The following PRUNE1 variants were observed in gnomAD, a reference collection of about 807,000 sequenced individuals.
PRUNE1 encodes the protein exopolyphosphatase PRUNE1.
A neutral mutation model predicts 42.5 loss-of-function variants in PRUNE1; 25 were observed. The observed-to-expected ratio is 0.59, with a 90% CI of 0.43 to 0.82. The LOEUF (loss-of-function observed/expected upper bound fraction) is 0.82, where lower values mean the gene tolerates loss of function less well. Ranked by LOEUF, PRUNE1 falls within the 40% of genes least tolerant of loss-of-function variation. The pLI is 0.00. For synonymous variants in PRUNE1, 203 were observed against 217.1 expected (o/e 0.93, Z 0.57); for missense variants, 443 against 539.3 (o/e 0.82, Z 1.77).
chr1:151,024,587 T>G (rs1453810130), intron 3 of PRUNE1, 24 bp from the exon 4 acceptor site: 1 of 1,575,998 alleles, frequency 6.3e-7, no homozygotes, highest in South Asian at 1.1e-5. Context: ...TTCTTCCTCT[T>G]TTCCCATACC....
chr1:151,026,788 C>T (rs1674866237), intron 5 of PRUNE1, among the ~76,000 whole-genome samples: 1 of 151,696 alleles, frequency 6.6e-6, no homozygotes, highest in Admixed American at 6.6e-5. Context: ...TCTAAAGGTA[C>T]CTATTGTCAC....
rs145536114 is a variant in PRUNE1, at chr1:151,023,446, G to T, written c.336-1165G>T. Among the ~76,000 whole-genome samples the T allele has an allele frequency of 1.1e-3, 175 of 152,260 alleles. 1 individual carries two copies. The highest frequency in any genetic ancestry group is 4.1e-3 in the African/African-American group (171 of 41,554). Reference sequence around the variant, plus strand: ...TAAAAATAGGAGAGATTTGCTGGGCGCGGTGGCTCATGCCTGTAATCCCAG... The same window carrying T: ...TAAAAATAGGAGAGATTTGCTGGGCTCGGTGGCTCATGCCTGTAATCCCAG... On this transcript the variant is annotated intron_variant, in intron 3 of 7. Coordinates refer to ENST00000271620, the MANE Select transcript of PRUNE1 (RefSeq NM_021222.3).
chr1:151,031,192 T>G (rs1243989301), intron 7 of PRUNE1, among the ~76,000 whole-genome samples: 3 of 107,682 alleles, frequency 2.8e-5, no homozygotes, highest in Non-Finnish European at 5.5e-5. Context: ...TGTGTGTGTG[T>G]GTTTTTTTTT....
Position 151,008,536 on chromosome 1 carries a change from C to G in PRUNE1, c.-97C>G, listed in dbSNP as rs893981051. 1.7e-5 allele frequency: 25 copies of G among 1,486,410 alleles called. No individual in the cohort carries two copies. Among genetic ancestry groups the G allele is most frequent in the Non-Finnish European group, 2.3e-5 (25 of 1,064,484 alleles). The allele number at this position is 1,486,410 out of a possible 1,614,324, so 92.1% of individuals were successfully genotyped here. A position where few individuals can be genotyped will look rare whatever the true frequency, so the allele number is the denominator to read the frequency against. ...CGCCTCCTGACTCTGGCCTCTAGTC[C>G]CTGAGTCCCGGGCGGGCTGCATTCG... On this transcript the variant is annotated 5_prime_UTR_variant, in exon 1 of 8. Coordinates refer to ENST00000271620, the MANE Select transcript of PRUNE1 (RefSeq NM_021222.3).
intron 1 of PRUNE1, among the ~76,000 whole-genome samples, chr1:151,009,271 G>A (rs1673590550): frequency 6.6e-6 from 1 of 152,178 alleles, no homozygotes; most frequent in South Asian, 2.1e-4. Context: ...AGGCATATTT[G>A]TTGACCCACA....
chr1:151,023,609 T>C (rs1478109101), intron 3 of PRUNE1, among the ~76,000 whole-genome samples: 1 of 151,540 alleles, frequency 6.6e-6, no homozygotes, highest in Non-Finnish European at 1.5e-5. Context: ...TCCCAGCTAC[T>C]TAGGAGGCTG....
chr1:151,010,026 C>T (rs1338396817), intron 1 of PRUNE1, among the ~76,000 whole-genome samples: 1 of 152,214 alleles, frequency 6.6e-6, no homozygotes, highest in Non-Finnish European at 1.5e-5. Context: ...TCTTTGCATG[C>T]ATCTACTCTC....
intron 2 of PRUNE1, chr1:151,018,239 T>C (rs1007748139): frequency 2.8e-6 from 2 of 715,940 alleles, no homozygotes; most frequent in South Asian, 1.5e-5. Context: ...CTCTGCAGCA[T>C]TGCATCTAGA....
rs1674221156 is a variant in PRUNE1 at position 151,018,275 on chromosome 1, T to C, written c.133-192T>C. The C allele has an allele frequency of 2.8e-5, 21 of 751,812 alleles. No homozygotes were observed. In the East Asian group the frequency reaches 5.1e-4, roughly 18 times the overall value. 46.6% of individuals were successfully genotyped at this position (751,812 alleles called of 1,614,324 possible). A position where few individuals can be genotyped will look rare whatever the true frequency, so the allele number is the denominator to read the frequency against. On this transcript the variant is annotated intron_variant, in intron 2 of 7. Coordinates refer to ENST00000271620, the MANE Select transcript of PRUNE1 (RefSeq NM_021222.3). ...AATAGGTATTTACCATGAGTTACCT[T>C]GTTGACTTTCATGTTATTACTAAGA...
At chr1:151,032,713 C>CAA (rs35078895) in intron 7 of PRUNE1, among the ~76,000 whole-genome samples, 14,132 of 138,142 alleles carry the variant, frequency 0.1, 1,085 homozygotes, top group African/African-American at 0.23. Flanking sequence ...GACTCTGTCT[C>CAA]AAAAAAAAAA....
chr1:151,028,999 A>C, intron 7 of PRUNE1, 55 bp downstream of exon 7: 1 of 1,522,098 alleles, frequency 6.6e-7, no homozygotes, highest in African/African-American at 1.4e-5. Context: ...GCCTGTATGT[A>C]CCTCTGTGCT....
At chr1:151,019,798 G>A (rs1466686138) in intron 3 of PRUNE1, among the ~76,000 whole-genome samples, 1 of 151,338 alleles carries the variant, frequency 6.6e-6, no homozygotes, top group Non-Finnish European at 1.5e-5. Flanking sequence ...ACCACACCTG[G>A]CCTGCAACTC....
chr1:151,025,547 C>T lies in PRUNE1; in HGVS notation c.553C>T (p.Leu185Phe), dbSNP rs1296627063. 2.5e-6 allele frequency: 4 copies of T among 1,613,900 alleles called. No homozygotes were observed. The highest frequency in any genetic ancestry group is 3.3e-5 in the Admixed American group (2 of 59,984). Residue 185 changes from leucine to phenylalanine, a missense_variant, in exon 5 of 8, where the codon CTT becomes TTT. Leu to Phe is a conservative substitution (Grantham distance 22, BLOSUM62 0). Transcript: ENST00000271620. ...TIILDCVNMD[L>F]KIGKATPKDS... ...CATCCTGGACTGTGTCAACATGGAC[C>T]TTAAAATTGGAAAGGCAACCCCAAA...
rs1338054248 is a variant in PRUNE1 at position 151,027,771 on chromosome 1, TGTGTGTGTGTGCGC to T, written c.774+446_774+459del. Among the ~76,000 whole-genome samples, 8 of 141,400 alleles carry T rather than the reference TGTGTGTGTGTGCGC, an allele frequency of 5.7e-5. 1 individual carries two copies. Among genetic ancestry groups the T allele is most frequent in the South Asian group, 2.2e-4 (1 of 4,648 alleles). The allele number at this position is 141,400 out of a possible 152,430, so 92.8% of individuals were successfully genotyped here. A position where few individuals can be genotyped will look rare whatever the true frequency, so the allele number is the denominator to read the frequency against. Reference sequence around the variant, plus strand: ...TAGTGTGTGTGTGTGTGTGTGTGTGTGTGTGTGTGTGCGCGCGCGTGTATGTATGTGTCGATGGG... The same window carrying T: ...TAGTGTGTGTGTGTGTGTGTGTGTGTGCGCGTGTATGTATGTGTCGATGGG... On this transcript the variant is annotated intron_variant, in intron 6 of 7. Transcript: ENST00000271620.
In PRUNE1 at chr1:151,018,649, C is replaced by T. The variant is rs1302504705; in HGVS notation, c.315C>T (p.Val105=). 8.1e-6 allele frequency: 13 copies of T among 1,614,044 alleles called. No homozygotes were observed. The highest frequency in any genetic ancestry group is 2.7e-5 in the African/African-American group (2 of 75,040). Residue 105 remains valine (V), a synonymous_variant, in exon 3 of 8, where the codon GTC becomes GTT. Transcript: ENST00000271620. ...CTGGCCAACTCACCCTCATCCTTGT[C>T]GACCATCATATCTTATCCAAGTAAG... ...YQAGQLTLIL[V]DHHILSKSDT...
rs773618224 is a variant in PRUNE1 at position 151,018,650 on chromosome 1, G to A, written c.316G>A (p.Asp106Asn). The A allele has an allele frequency of 2.5e-5, 41 of 1,613,838 alleles. No individual in the cohort carries two copies. Among genetic ancestry groups the A allele is most frequent in the Middle Eastern group, 1.6e-4 (1 of 6,082 alleles). The part of the protein sequence containing the change: ...QAGQLTLILV[D>N]HHILSKSDTA... ...TGGCCAACTCACCCTCATCCTTGTC[G>A]ACCATCATATCTTATCCAAGTAAGC... is the stretch of plus-strand genomic sequence containing the variant. The change falls in exon 3 of 8, where the codon GAC becomes AAC. Residue 106 changes from aspartate to asparagine, a missense_variant. Physicochemically the swap from Asp to Asn is conservative, Grantham distance 23. Coordinates refer to ENST00000271620, the MANE Select transcript of PRUNE1 (RefSeq NM_021222.3).
intron 3 of PRUNE1, among the ~76,000 whole-genome samples, chr1:151,020,642 T>A (rs12094892): frequency 6.6e-6 from 1 of 152,144 alleles, no homozygotes; most frequent in Admixed American, 6.6e-5. Flanking sequence ...AAAGTTTTTC[T>A]ACATAAACTC....
intron 3 of PRUNE1, among the ~76,000 whole-genome samples, chr1:151,022,351 C>G (rs1674508387): frequency 6.6e-6 from 1 of 151,622 alleles, no homozygotes; most frequent in Non-Finnish European, 1.5e-5. Flanking sequence ...CTCAAGTGAT[C>G]CGCCCGCCTC....
At chr1:151,016,828 T>C (rs1208363008) in intron 1 of PRUNE1, among the ~76,000 whole-genome samples, 2 of 151,788 alleles carry the variant, frequency 1.3e-5, no homozygotes, top group Non-Finnish European at 2.9e-5. Context: ...TTTTAACCTT[T>C]ATTCTCAAAG....
Sources: gnomAD v4.1 joint callset for allele counts (sites outside exome capture counted in the v4.1 genomes callset) on GRCh38, gnomAD v4.1.1 for gene constraint, MANE v1.5 for transcripts, NCBI Gene and HGNC (gene_info 2026-07-23, HGNC 2026-07-21) for gene names.